Variants in LRBA observed in about 807,000 individuals in gnomAD.
LRBA encodes LPS responsive beige-like anchor protein.
A neutral mutation model predicts 330.0 loss-of-function variants in LRBA; 176 were observed. The observed-to-expected ratio is 0.53, with a 90% CI of 0.47 to 0.60. The LOEUF (loss-of-function observed/expected upper bound fraction) is 0.60. Ranked by LOEUF, LRBA falls within the 20% of genes least tolerant of loss-of-function variation. The pLI, the probability that LRBA is intolerant of heterozygous loss-of-function variation, is 0.00. For missense variants in LRBA, 3,259 were observed against 3,444.8 expected (o/e 0.95, Z 1.35); for synonymous variants, 1,230 against 1,193.0 (o/e 1.03, Z -0.64).
At chr4:150,648,853 C>G (rs752612354) in intron 37 of LRBA, among the ~76,000 whole-genome samples, 1 of 152,006 alleles carries the variant, frequency 6.6e-6, no homozygotes, top group African/African-American at 2.4e-5. Flanking sequence ...GTACAACTTC[C>G]TACTTTCCTC....
At chr4:150,935,607 A>T (rs1208290746) in intron 2 of LRBA, among the ~76,000 whole-genome samples, 1 of 152,006 alleles carries the variant, frequency 6.6e-6, no homozygotes, top group African/African-American at 2.4e-5. Context: ...TCTGAAACTT[A>T]TAGTGATTCT....
chr4:151,012,271 A>G (rs929921479), intron 2 of LRBA, among the ~76,000 whole-genome samples: 2 of 152,224 alleles, frequency 1.3e-5, no homozygotes, highest in Admixed American at 1.3e-4. Context: ...AAATGCTGCT[A>G]TAGAATTTGG....
chr4:150,822,728 G>T (rs563537263), intron 30 of LRBA, among the ~76,000 whole-genome samples: 2 of 152,064 alleles, frequency 1.3e-5, no homozygotes, highest in Non-Finnish European at 2.9e-5. Flanking sequence ...CTCCAGCCTG[G>T]GTGGCAGAGC....
chr4:150,455,333 A>G (rs10007814), intron 44 of LRBA, among the ~76,000 whole-genome samples: 127,778 of 151,184 alleles, frequency 0.85, 55,549 homozygotes, highest in Non-Finnish European at 0.95. Context: ...ACATGCACAC[A>G]TATGTTTATT....
intron 44 of LRBA, among the ~76,000 whole-genome samples, chr4:150,461,817 T>C (rs753846846): frequency 6.6e-6 from 1 of 151,750 alleles, no homozygotes; most frequent in Non-Finnish European, 1.5e-5. Context: ...ATACATATTA[T>C]ATATTCTAAA....
chr4:150,860,522 G>T (rs1282548227), intron 22 of LRBA, among the ~76,000 whole-genome samples: 1 of 152,170 alleles, frequency 6.6e-6, no homozygotes, highest in Non-Finnish European at 1.5e-5. Context: ...AAAGCCATAA[G>T]TCACTGGACT....
chr4:150,302,260 ATTT>A lies in LRBA; in HGVS notation c.8017+362_8017+364del, dbSNP rs869154013. On this transcript the variant is annotated intron_variant, in intron 53 of 56. Transcript: ENST00000651943. ...ACTAGTTTGTTTCTATGAAATTATT[ATTT>A]TTATTTTGTTCTTTTAAAATATGAA... 9.4e-5 allele frequency among the ~76,000 whole-genome samples: 14 copies of A among 148,952 alleles called. No homozygotes were observed. The Admixed American group carries it at 9.4e-4, about 10-fold the overall frequency.
At chr4:150,766,297 C>T (rs1735753998) in intron 34 of LRBA, among the ~76,000 whole-genome samples, 1 of 151,928 alleles carries the variant, frequency 6.6e-6, no homozygotes, top group Non-Finnish European at 1.5e-5. Context: ...ATAATACAGT[C>T]CTAATTACTA....
chr4:150,269,157 G>C (rs746153006), intron 56 of LRBA, among the ~76,000 whole-genome samples: 12 of 152,100 alleles, frequency 7.9e-5, no homozygotes, highest in Non-Finnish European at 1.5e-4. Flanking sequence ...CTCCAGCCTG[G>C]GTGACAGAGC....
chr4:151,003,953 C>T (rs1743720315), intron 2 of LRBA, among the ~76,000 whole-genome samples: 1 of 150,578 alleles, frequency 6.6e-6, no homozygotes, highest in African/African-American at 2.5e-5. Context: ...CATGCTGCCA[C>T]CCAGACTGGA....
intron 47 of LRBA, among the ~76,000 whole-genome samples, chr4:150,396,466 T>C (rs1004832550): frequency 7.3e-6 from 1 of 137,718 alleles, no homozygotes; most frequent in Admixed American, 7.8e-5. Flanking sequence ...CCAATTCCCA[T>C]AATAAATCTC....
At chr4:151,011,844 T>G (rs1446962233) in intron 2 of LRBA, among the ~76,000 whole-genome samples, 1 of 151,704 alleles carries the variant, frequency 6.6e-6, no homozygotes, top group Non-Finnish European at 1.5e-5. Context: ...CCAGCTAATT[T>G]TTTATTTAAT....
At chr4:150,414,873 T>C (rs888135167) in intron 47 of LRBA, among the ~76,000 whole-genome samples, 1 of 152,182 alleles carries the variant, frequency 6.6e-6, no homozygotes, top group African/African-American at 2.4e-5. Flanking sequence ...GGAAAAGTCA[T>C]ATTAGTGTCT....
chr4:150,275,607 A>G (rs1163669876), intron 56 of LRBA, among the ~76,000 whole-genome samples: 2 of 152,236 alleles, frequency 1.3e-5, no homozygotes, highest in Non-Finnish European at 2.9e-5. Context: ...ATCAATGTGC[A>G]AAAATCACAA....
chr4:150,917,139 C>T lies in LRBA; in HGVS notation c.646-401G>A, dbSNP rs549596426. 3.4e-5 allele frequency among the ~76,000 whole-genome samples: 5 copies of T among 149,116 alleles called. 1 individual carries two copies. The East Asian group carries it at 9.8e-4, about 29-fold the overall frequency. Reference sequence around the variant, plus strand: ...CTGCACTACAGCCTGGGCGAAAGAGCAAGACTCCATCTCAAAAAAAAAAAT... The same window carrying T: ...CTGCACTACAGCCTGGGCGAAAGAGTAAGACTCCATCTCAAAAAAAAAAAT... On this transcript the variant is annotated intron_variant, in intron 5 of 56. Transcript: ENST00000651943.
At chr4:150,851,738 T>C in intron 23 of LRBA, 147 bp downstream of exon 23, 1 of 802,780 alleles carries the variant, frequency 1.2e-6, no homozygotes, top group Non-Finnish European at 1.8e-6. Context: ...GCTAATGATC[T>C]GAAATACAAT....
rs940949922 is a variant in LRBA at position 150,265,338 on chromosome 4, A to C, written c.*384T>G. ...TTACAGCATCAAATTTTCCTATTCCAATATTGTAACCCACTTCCCCACTGT... is the reference window on the plus strand; with the variant it reads ...TTACAGCATCAAATTTTCCTATTCCCATATTGTAACCCACTTCCCCACTGT... On this transcript the variant is annotated 3_prime_UTR_variant, in exon 57 of 57. Coordinates refer to ENST00000651943, the MANE Select transcript of LRBA (RefSeq NM_001364905.1). 1.2e-5 allele frequency: 2 copies of C among 161,540 alleles called. No homozygotes were observed. Among genetic ancestry groups the C allele is most frequent in the African/African-American group, 4.8e-5 (2 of 41,632 alleles). The allele number at this position is 161,540 out of a possible 1,614,324, so 10.0% of individuals were successfully genotyped here.
At chr4:150,919,286 T>C (rs1732983643) in intron 5 of LRBA, among the ~76,000 whole-genome samples, 1 of 152,196 alleles carries the variant, frequency 6.6e-6, no homozygotes, top group South Asian at 2.1e-4. Context: ...ACTGTGGTGA[T>C]GGTTGACAAC....
At chr4:150,601,208 A>C (rs1774076847) in intron 37 of LRBA, among the ~76,000 whole-genome samples, 1 of 152,228 alleles carries the variant, frequency 6.6e-6, no homozygotes, top group African/African-American at 2.4e-5. Context: ...TTAATTTGTC[A>C]TTCATCCATC....
Sources: allele counts gnomAD v4.1 joint callset (sites outside exome capture counted in the v4.1 genomes callset), GRCh38; gene constraint gnomAD v4.1.1; transcripts MANE v1.5; gene names NCBI Gene and HGNC (gene_info 2026-07-23, HGNC 2026-07-21).